Variants in KCNH7 observed in about 807,000 individuals in gnomAD.
KCNH7 encodes potassium voltage-gated channel subfamily H member 7.
KCNH7 carries 49 observed loss-of-function variants against 120.8 expected under a neutral mutation model. That is an observed-to-expected ratio of 0.41 (90% CI 0.32 to 0.51). The LOEUF is 0.51. KCNH7 is among the 20% of genes least tolerant of loss of function. The pLI is 0.38. For synonymous variants in KCNH7, 547 were observed against 516.1 expected (o/e 1.06, Z -0.81); for missense variants, 1,097 against 1,446.6 (o/e 0.76, Z 3.92).
chr2:162,492,865 GTTTT>G (rs67006443), intron 6 of KCNH7, among the ~76,000 whole-genome samples: 5 of 57,178 alleles, frequency 8.7e-5, no homozygotes, highest in Admixed American at 2.1e-4. Context: ...CTTGGATCTT[GTTTT>G]TTTTTTTTTT....
chr2:162,543,923 A>G (rs1413543796), intron 2 of KCNH7, among the ~76,000 whole-genome samples: 1 of 152,208 alleles, frequency 6.6e-6, no homozygotes, highest in Non-Finnish European at 1.5e-5. Flanking sequence ...AATTTAAAAA[A>G]GTGAGTAAAC....
intron 2 of KCNH7, among the ~76,000 whole-genome samples, chr2:162,652,437 G>T (rs893293008): frequency 1.3e-5 from 2 of 152,096 alleles, no homozygotes; most frequent in Admixed American, 6.6e-5. Flanking sequence ...AGTGTGGGGG[G>T]AGGGGTAGTG....
intron 2 of KCNH7, among the ~76,000 whole-genome samples, chr2:162,716,910 TA>T (rs1559097199): frequency 6.6e-6 from 1 of 152,154 alleles, no homozygotes; most frequent in Admixed American, 6.6e-5. Context: ...TTCTGGTTGT[TA>T]AAAATGTCTT....
intron 2 of KCNH7, chr2:162,785,219 T>C (rs574006915): frequency 6.6e-6 from 1 of 152,344 alleles, no homozygotes; most frequent in East Asian, 1.9e-4. Context: ...TAACTATACA[T>C]ATATTTCACT....
intron 2 of KCNH7, among the ~76,000 whole-genome samples, chr2:162,649,758 T>C (rs908610619): frequency 1.3e-5 from 2 of 152,176 alleles, no homozygotes; most frequent in Non-Finnish European, 1.5e-5. Context: ...ACATTTACTC[T>C]AAGTTAAAAG....
chr2:162,381,475 A>G (rs549541997), intron 13 of KCNH7, among the ~76,000 whole-genome samples: 13 of 152,180 alleles, frequency 8.5e-5, no homozygotes, highest in African/African-American at 2.9e-4. Flanking sequence ...TTCTTTCTTC[A>G]TGGTTTTCCT....
chr2:162,824,696 T>A (rs993094998), intron 2 of KCNH7, among the ~76,000 whole-genome samples: 3 of 152,132 alleles, frequency 2.0e-5, no homozygotes, highest in Non-Finnish European at 4.4e-5. Flanking sequence ...TCCTCACGTA[T>A]CATATGTAAT....
Position 162,836,736 on chromosome 2 carries a change from C to A in KCNH7, c.108G>T (p.Val36=). Residue 36 remains valine (V), a synonymous_variant, in exon 2 of 16, where the codon GTG becomes GTT. Transcript: ENST00000332142. ...NKKFIIANAR[V]QNCAIIYCND... is the part of the protein sequence containing the mutation. ...TGCAATAAATGATGGCACAGTTCTGCACTCTGGCATTTGCAATGATAAATT... is the reference window on the plus strand; with the variant it reads ...TGCAATAAATGATGGCACAGTTCTGAACTCTGGCATTTGCAATGATAAATT... 1.2e-6 allele frequency: 2 copies of A among 1,613,954 alleles called. No homozygotes were observed. The highest frequency in any genetic ancestry group is 2.7e-5 in the African/African-American group (2 of 75,010).
intron 2 of KCNH7, among the ~76,000 whole-genome samples, chr2:162,621,251 T>C (rs1211381868): frequency 7.8e-6 from 1 of 128,922 alleles, no homozygotes; most frequent in Admixed American, 8.5e-5. Context: ...GGTATCATCA[T>C]CTTTTTTTTT....
Position 162,446,396 on chromosome 2 carries a change from T to C in KCNH7, c.1176A>G (p.Thr392=). Residue 392 remains threonine (T), a synonymous_variant, in exon 7 of 16, where the codon ACA becomes ACG. Transcript: ENST00000332142. ...ADVLPEYKLQ[T]PRINKFTILH... ...ATATCGTAAACTTGTTGATGCGTGG[T>C]GTCTGCAGTTTGTATTCAGGTAGGA... 1 of 1,613,446 alleles carries C rather than the reference T, an allele frequency of 6.2e-7. No homozygotes were observed. The highest frequency in any genetic ancestry group is 1.3e-5 in the African/African-American group (1 of 75,034).
At chr2:162,402,558 A>G (rs1393648197) in intron 9 of KCNH7, among the ~76,000 whole-genome samples, 1 of 151,416 alleles carries the variant, frequency 6.6e-6, no homozygotes, top group Non-Finnish European at 1.5e-5. Flanking sequence ...AGCCCCATGC[A>G]GATAAAGATG....
At chr2:162,552,151 T>C (rs561094622) in intron 2 of KCNH7, among the ~76,000 whole-genome samples, 2 of 152,306 alleles carry the variant, frequency 1.3e-5, no homozygotes, top group East Asian at 3.9e-4. Flanking sequence ...GCAATCATTG[T>C]CCCAATTTTA....
chr2:162,553,506 G>T (rs917033334), intron 2 of KCNH7, among the ~76,000 whole-genome samples: 1 of 152,118 alleles, frequency 6.6e-6, no homozygotes, highest in Non-Finnish European at 1.5e-5. Context: ...AAAATTAGCG[G>T]GGTGTGGTGG....
chr2:162,827,928 G>T (rs1685342817), intron 2 of KCNH7, among the ~76,000 whole-genome samples: 1 of 152,046 alleles, frequency 6.6e-6, no homozygotes, highest in Admixed American at 6.6e-5. Flanking sequence ...TAGACCTTTG[G>T]GAGAAGAGCT....
chr2:162,660,071 C>A (rs538992690), intron 2 of KCNH7, among the ~76,000 whole-genome samples: 1 of 152,170 alleles, frequency 6.6e-6, no homozygotes, highest in South Asian at 2.1e-4. Flanking sequence ...CTTTAAAAAA[C>A]CAGCTTTTTG....
chr2:162,689,960 G>A (rs1002440700), intron 2 of KCNH7, among the ~76,000 whole-genome samples: 2 of 152,036 alleles, frequency 1.3e-5, no homozygotes, highest in Non-Finnish European at 2.9e-5. Context: ...TCACAATAGC[G>A]AAGACAAGGA....
intron 2 of KCNH7, among the ~76,000 whole-genome samples, chr2:162,776,209 C>A (rs1037817733): frequency 6.6e-6 from 1 of 152,160 alleles, no homozygotes; most frequent in Non-Finnish European, 1.5e-5. Context: ...TGATCCCTTC[C>A]TAGTGAACCT....
At chr2:162,461,861 A>G (rs1399909895) in intron 6 of KCNH7, among the ~76,000 whole-genome samples, 1 of 152,162 alleles carries the variant, frequency 6.6e-6, no homozygotes, top group Non-Finnish European at 1.5e-5. Flanking sequence ...AATACCTGTC[A>G]TAAAGAAAAT....
At chr2:162,580,026 C>T (rs1693819730) in intron 2 of KCNH7, among the ~76,000 whole-genome samples, 1 of 151,952 alleles carries the variant, frequency 6.6e-6, no homozygotes, top group Non-Finnish European at 1.5e-5. Context: ...TACCTTCATT[C>T]AAAATGGGCT....
Sources: allele counts gnomAD v4.1 joint callset (sites outside exome capture counted in the v4.1 genomes callset), GRCh38; gene constraint gnomAD v4.1.1; transcripts MANE v1.5; gene names NCBI Gene and HGNC (gene_info 2026-07-23, HGNC 2026-07-21).